Variants in USP9X observed in about 807,000 individuals in gnomAD.
USP9X encodes ubiquitin specific peptidase 9 X-linked.
A neutral mutation model predicts 190.3 loss-of-function variants in USP9X; 7 were observed. That is an observed-to-expected ratio of 0.04 (90% CI 0.02 to 0.07). USP9X has a LOEUF of 0.07. USP9X is among the 10% of genes least tolerant of loss of function. The pLI, the probability that USP9X is intolerant of heterozygous loss-of-function variation, is 1.00. For synonymous variants in USP9X, 645 were observed against 659.5 expected (o/e 0.98, Z 0.34); for missense variants, 1,010 against 1,916.9 (o/e 0.53, Z 8.83).
chrX:41,184,101 A>G lies in USP9X; in HGVS notation c.3252A>G (p.Ser1084=), dbSNP rs376402744. ...TTGACTCACTTTTCTTTGGTCCTTC[A>G]GCCTCACAAGTGCTATATCTAACAG... ...PSLDSLFFGP[S]ASQVLYLTEV... is the part of the protein sequence containing the mutation. The change falls in exon 22 of 45, where the codon TCA becomes TCG. Residue 1084 remains serine (S), a synonymous_variant. Coordinates refer to ENST00000378308, the MANE Select transcript of USP9X (RefSeq NM_001039591.3). 2 of 1,209,071 alleles carry G rather than the reference A, an allele frequency of 1.7e-6. No individual in the cohort carries two copies. The highest frequency in any genetic ancestry group is 2.2e-6 in the Non-Finnish European group (2 of 894,400).
In USP9X at chrX:41,184,620, G is replaced by A. The variant is rs1271252455; in HGVS notation, c.3503G>A (p.Arg1168Gln). 2.5e-6 allele frequency: 3 copies of A among 1,211,602 alleles called. No homozygotes were observed. The highest frequency in any genetic ancestry group is 3.0e-5 in the East Asian group (1 of 33,856). ...LLTAIGYGHV[R>Q]AVAEACQPGV... ...ACTGCCATTGGCTATGGTCATGTTC[G>A]AGCTGTGGCAGAAGCTTGTCAGCCA... Residue 1168 changes from arginine (R) to glutamine (Q), a missense_variant, in exon 23 of 45, where the codon CGA becomes CAA. By Grantham distance (43) the Arg-to-Gln change is conservative. Transcript: ENST00000378308.
At chrX:41,178,352 C>T (rs1476700572) in intron 21 of USP9X, among the ~76,000 whole-genome samples, 2 of 109,744 alleles carry the variant, frequency 1.8e-5, no homozygotes, top group East Asian at 2.9e-4. Context: ...CCACCCACCT[C>T]GGCCTACCAA....
chrX:41,119,385 A>G (rs2062174031), intron 1 of USP9X, among the ~76,000 whole-genome samples: 2 of 111,524 alleles, frequency 1.8e-5, no homozygotes, highest in South Asian at 3.8e-4. Flanking sequence ...TCTTCATCAC[A>G]TTTATTTAAA....
chrX:41,123,795 C>A, intron 2 of USP9X, 71 bp downstream of exon 2: 1 of 1,029,825 alleles, frequency 9.7e-7, no homozygotes, highest in Non-Finnish European at 1.3e-6. Flanking sequence ...GTAATCGCAG[C>A]ACTTTGGGAG....
chrX:41,087,529 A>T (rs970321619), intron 1 of USP9X, among the ~76,000 whole-genome samples: 4 of 112,487 alleles, frequency 3.6e-5, no homozygotes, highest in Non-Finnish European at 5.6e-5. Flanking sequence ...TTAAATATAA[A>T]AAAGTGTCAA....
intron 30 of USP9X, 113 bp from the exon 31 acceptor site, chrX:41,200,947 G>C (rs1019923806): frequency 1.3e-6 from 1 of 756,936 alleles, no homozygotes; most frequent in Non-Finnish European, 1.9e-6. Flanking sequence ...TTGCTGTAGG[G>C]TTAGTCGAAT....
chrX:41,172,979 C>T (rs1027891528), intron 21 of USP9X, among the ~76,000 whole-genome samples: 1 of 111,539 alleles, frequency 9.0e-6, no homozygotes, highest in African/African-American at 3.3e-5. Context: ...TTTTGTGGTG[C>T]GTCACCTGTG....
At chrX:41,182,361 C>A (rs895163455) in intron 21 of USP9X, among the ~76,000 whole-genome samples, 1 of 108,359 alleles carries the variant, frequency 9.2e-6, no homozygotes, top group African/African-American at 3.3e-5. Context: ...CAGAGTGAGA[C>A]CCTGTCTCAA....
intron 32 of USP9X, among the ~76,000 whole-genome samples, chrX:41,208,927 C>G (rs1174766508): frequency 2.7e-5 from 3 of 110,544 alleles, no homozygotes; most frequent in Non-Finnish European, 5.7e-5. Flanking sequence ...CCAGGGTGGT[C>G]TCGAACTCCT....
In USP9X at chrX:41,165,864, T is replaced by G. The variant is rs1194327238; in HGVS notation, c.1986-8T>G. The G allele has an allele frequency of 3.3e-6, 4 of 1,197,199 alleles. No individual in the cohort carries two copies. Among genetic ancestry groups the G allele is most frequent in the Non-Finnish European group, 4.5e-6 (4 of 888,831 alleles). On this transcript the variant is annotated splice_region_variant and splice_polypyrimidine_tract_variant and intron_variant, in intron 15 of 44. Transcript: ENST00000378308. ...AATCTAATTGCCAATTTTCAATGTT[T>G]TTTCAAGATTTTTATTGAAGGATGG...
intron 41 of USP9X, among the ~76,000 whole-genome samples, chrX:41,225,988 CAA>C (rs368487266): frequency 1.6e-4 from 18 of 112,458 alleles, no homozygotes; most frequent in Admixed American, 6.6e-4. Flanking sequence ...TAAGCTGAAA[CAA>C]GAGAGAATGA....
At chrX:41,157,531 G>A (rs1355103490) in intron 14 of USP9X, among the ~76,000 whole-genome samples, 1 of 111,011 alleles carries the variant, frequency 9.0e-6, no homozygotes, top group Non-Finnish European at 1.9e-5. Flanking sequence ...TGTGCACTGT[G>A]AGGGAAATAG....
intron 1 of USP9X, among the ~76,000 whole-genome samples, chrX:41,116,670 T>G (rs1444855706): frequency 1.8e-5 from 2 of 112,598 alleles, no homozygotes; most frequent in Non-Finnish European, 3.8e-5. Flanking sequence ...ATTTAGGAAC[T>G]CTGCACAGTA....
intron 1 of USP9X, among the ~76,000 whole-genome samples, chrX:41,119,329 A>G (rs906696221): frequency 1.8e-5 from 2 of 110,946 alleles, no homozygotes; most frequent in African/African-American, 6.6e-5. Flanking sequence ...CTGGGTCTCA[A>G]AACAACAACA....
At chrX:41,095,536 T>C (rs2061983812) in intron 1 of USP9X, among the ~76,000 whole-genome samples, 1 of 111,978 alleles carries the variant, frequency 8.9e-6, no homozygotes. Flanking sequence ...AACCATTATT[T>C]GAAATGGAGC....
Position 41,202,665 on chromosome X carries a change from A to T in USP9X, c.4824+1385A>T, listed in dbSNP as rs1165994149. Among the ~76,000 whole-genome samples, 5 of 110,725 alleles carry T rather than the reference A, an allele frequency of 4.5e-5. No individual in the cohort carries two copies. The Admixed American group carries it at 4.8e-4, about 11-fold the overall frequency. On this transcript the variant is annotated intron_variant, in intron 31 of 44. Coordinates refer to ENST00000378308, the MANE Select transcript of USP9X (RefSeq NM_001039591.3). ...TGGGTTCTGAGCACTTTCACTTTAT[A>T]AAAAAAAGCTTCATAAAGGACACTT... is the stretch of plus-strand genomic sequence containing the variant.
chrX:41,166,966 T>C (rs963073455), intron 16 of USP9X, among the ~76,000 whole-genome samples: 1 of 111,993 alleles, frequency 8.9e-6, no homozygotes, highest in Non-Finnish European at 1.9e-5. Flanking sequence ...GGTCTCCCCA[T>C]GCTTATCCCC....
rs768103730 is a variant in USP9X at position 41,092,906 on chromosome X, G to A, written c.-159+6797G>A. 4.5e-5 allele frequency among the ~76,000 whole-genome samples: 5 copies of A among 110,531 alleles called. No individual in the cohort carries two copies. The South Asian group carries it at 1.9e-3, about 42-fold the overall frequency. Reference sequence around the variant, plus strand: ...TTTTTTTTTTAAGAGGAGGGGTCTCGCTGTCACTCAGGCTGGATTGTGGTG... The same window carrying A: ...TTTTTTTTTTAAGAGGAGGGGTCTCACTGTCACTCAGGCTGGATTGTGGTG... On this transcript the variant is annotated intron_variant, in intron 1 of 44. Transcript: ENST00000378308.
intron 17 of USP9X, 64 bp from the exon 18 acceptor site, chrX:41,167,943 T>C: frequency 1.0e-6 from 1 of 984,846 alleles, no homozygotes; most frequent in African/African-American, 1.9e-5. Context: ...TTTAATTGGA[T>C]TAATATTTGG....
Sources: allele counts gnomAD v4.1 joint callset (sites outside exome capture counted in the v4.1 genomes callset), GRCh38; gene constraint gnomAD v4.1.1; transcripts MANE v1.5; gene names NCBI Gene and HGNC (gene_info 2026-07-23, HGNC 2026-07-21).